Variants in KCNMB2 observed in about 807,000 individuals in gnomAD.
The protein encoded by KCNMB2 is potassium calcium-activated channel subfamily M regulatory beta subunit 2.
KCNMB2 carries 9 observed loss-of-function variants against 24.5 expected under a neutral mutation model. The ratio of observed to expected loss-of-function variants is 0.37; its 90% CI spans 0.22 to 0.64. The LOEUF (loss-of-function observed/expected upper bound fraction) is 0.64, where lower values mean the gene tolerates loss of function less well. Among genes scored for constraint, KCNMB2 ranks in the 30% least tolerant of loss-of-function variants. The pLI is 0.63. For synonymous variants in KCNMB2, 109 were observed against 104.4 expected (o/e 1.04, Z -0.27); for missense variants, 226 against 284.3 (o/e 0.79, Z 1.47).
intron 1 of KCNMB2, among the ~76,000 whole-genome samples, chr3:178,548,165 C>T (rs1715835765): frequency 6.6e-6 from 1 of 152,290 alleles, no homozygotes; most frequent in South Asian, 2.1e-4. Flanking sequence ...TATTGAATCA[C>T]CTGCACAAGA....
At chr3:178,640,021 A>T (rs555458170) in intron 1 of KCNMB2, among the ~76,000 whole-genome samples, 1 of 151,910 alleles carries the variant, frequency 6.6e-6, no homozygotes, top group South Asian at 2.1e-4. Context: ...CTGACACAGA[A>T]CACATGCCAA....
At chr3:178,821,754 T>G (rs1056406504) in intron 2 of KCNMB2, among the ~76,000 whole-genome samples, 1 of 152,214 alleles carries the variant, frequency 6.6e-6, no homozygotes, top group Non-Finnish European at 1.5e-5. Context: ...CATCAAGTAC[T>G]AGAGCATAAA....
intron 4 of KCNMB2, among the ~76,000 whole-genome samples, chr3:178,831,863 G>GTCCC (rs1189095347): frequency 6.6e-6 from 1 of 152,074 alleles, no homozygotes; most frequent in African/African-American, 2.4e-5. Context: ...ATTTACCTAT[G>GTCCC]TAACAAACCT....
At chr3:178,679,823 C>T (rs6764174) in intron 1 of KCNMB2, among the ~76,000 whole-genome samples, 49,383 of 151,976 alleles carry the variant, frequency 0.32, 8,692 homozygotes, top group African/African-American at 0.46. Flanking sequence ...TAAAGCCTCA[C>T]CATTCCAGAG....
intron 1 of KCNMB2, among the ~76,000 whole-genome samples, chr3:178,703,750 A>G (rs1008137800): frequency 8.5e-5 from 13 of 152,218 alleles, no homozygotes; most frequent in Non-Finnish European, 1.6e-4. Context: ...ATCTACTTAC[A>G]TGGGTGTGTT....
At chr3:178,564,135 A>G (rs547250484) in intron 1 of KCNMB2, among the ~76,000 whole-genome samples, 33 of 152,162 alleles carry the variant, frequency 2.2e-4, no homozygotes, top group Middle Eastern at 3.4e-3. Context: ...AAAATTAGCC[A>G]GGTGTGGTGG....
intron 1 of KCNMB2, among the ~76,000 whole-genome samples, chr3:178,595,812 A>C (rs576634444): frequency 6.6e-6 from 1 of 152,250 alleles, no homozygotes; most frequent in East Asian, 1.9e-4. Context: ...TAGAGGTGCC[A>C]AACCAATGAA....
At chr3:178,602,416 C>T (rs553914778) in intron 1 of KCNMB2, among the ~76,000 whole-genome samples, 17 of 152,080 alleles carry the variant, frequency 1.1e-4, no homozygotes, top group Middle Eastern at 3.4e-3. Flanking sequence ...AGAATAAACA[C>T]GGTCCAAATC....
At chr3:178,548,536 A>T (rs748290475) in intron 1 of KCNMB2, among the ~76,000 whole-genome samples, 1 of 152,154 alleles carries the variant, frequency 6.6e-6, no homozygotes, top group Non-Finnish European at 1.5e-5. Context: ...AAGCATGCCT[A>T]TCATGTCTTT....
chr3:178,835,126 C>T (rs1282920377), intron 4 of KCNMB2, among the ~76,000 whole-genome samples: 1 of 151,266 alleles, frequency 6.6e-6, no homozygotes, highest in Non-Finnish European at 1.5e-5. Context: ...CAAGTTTCTT[C>T]TCTACTCCAA....
At chr3:178,818,489 T>C (rs1714495041) in intron 2 of KCNMB2, among the ~76,000 whole-genome samples, 1 of 152,182 alleles carries the variant, frequency 6.6e-6, no homozygotes, top group African/African-American at 2.4e-5. Flanking sequence ...GTGTTCTCAT[T>C]GCTCAGCTCC....
chr3:178,780,057 A>ATT (rs1560018459), intron 1 of KCNMB2, among the ~76,000 whole-genome samples: 2 of 110,936 alleles, frequency 1.8e-5, no homozygotes, highest in African/African-American at 5.4e-5. Context: ...TTTTTTTAAA[A>ATT]AAAAAAAAAA....
chr3:178,778,563 G>A (rs1220005718), intron 1 of KCNMB2, among the ~76,000 whole-genome samples: 2 of 151,688 alleles, frequency 1.3e-5, no homozygotes, highest in African/African-American at 2.4e-5. Flanking sequence ...TTGAAGGTAG[G>A]AGAAGCCAGT....
At chr3:178,676,387 G>T (rs1577089595) in intron 1 of KCNMB2, among the ~76,000 whole-genome samples, 1 of 152,162 alleles carries the variant, frequency 6.6e-6, no homozygotes, top group Admixed American at 6.5e-5. Flanking sequence ...GACACAGATG[G>T]AGAGGGACAG....
intron 1 of KCNMB2, among the ~76,000 whole-genome samples, chr3:178,609,300 C>T (rs1718391580): frequency 6.6e-6 from 1 of 152,060 alleles, no homozygotes; most frequent in African/African-American, 2.4e-5. Flanking sequence ...TGAGAAATGT[C>T]TATTCAAATC....
intron 1 of KCNMB2, among the ~76,000 whole-genome samples, chr3:178,778,472 A>G (rs995612810): frequency 2.6e-4 from 17 of 65,576 alleles, no homozygotes; most frequent in East Asian, 9.4e-4. Context: ...ACACACACAC[A>G]CACACACACA....
At chr3:178,549,100 G>A (rs920995276) in intron 1 of KCNMB2, among the ~76,000 whole-genome samples, 1 of 151,908 alleles carries the variant, frequency 6.6e-6, no homozygotes, top group African/African-American at 2.4e-5. Context: ...ATTTTAGTAC[G>A]CTTTTCTTTA....
At chr3:178,679,738 T>G (rs1390974876) in intron 1 of KCNMB2, among the ~76,000 whole-genome samples, 4 of 152,096 alleles carry the variant, frequency 2.6e-5, no homozygotes, top group Non-Finnish European at 5.9e-5. Context: ...TCTGGTGGTG[T>G]TGGTTAAAAT....
intron 1 of KCNMB2, among the ~76,000 whole-genome samples, chr3:178,626,697 C>T (rs1327639921): frequency 6.6e-6 from 1 of 152,016 alleles, no homozygotes; most frequent in Non-Finnish European, 1.5e-5. Context: ...CCCCAGGATC[C>T]AATCACTCCT....
Sources: allele counts gnomAD v4.1 joint callset (sites outside exome capture counted in the v4.1 genomes callset), GRCh38; gene constraint gnomAD v4.1.1; transcripts MANE v1.5; gene names NCBI Gene and HGNC (gene_info 2026-07-23, HGNC 2026-07-21).